Variants in KIF26B observed in about 807,000 individuals in gnomAD.
The protein encoded by KIF26B is kinesin-like protein KIF26B.
In KIF26B, 63 loss-of-function variants were observed where a neutral mutation model predicts 151.2. The observed-to-expected ratio is 0.42, with a 90% CI of 0.34 to 0.51. The LOEUF is 0.51. Ranked by LOEUF, KIF26B falls within the 20% of genes least tolerant of loss-of-function variation. The pLI, the probability that KIF26B is intolerant of heterozygous loss-of-function variation, is 0.07. For synonymous variants in KIF26B, 1,357 were observed against 1,262.1 expected (o/e 1.08, Z -1.59); for missense variants, 2,813 against 2,913.6 (o/e 0.97, Z 0.79).
chr1:245,299,923 A>G (rs538126698), intron 2 of KIF26B, among the ~76,000 whole-genome samples: 1 of 152,208 alleles, frequency 6.6e-6, no homozygotes, highest in African/African-American at 2.4e-5. Context: ...TGAGTCAGAG[A>G]TTGCGAGGAG....
At chr1:245,607,927 C>T (rs527809021) in intron 7 of KIF26B, among the ~76,000 whole-genome samples, 183 bp downstream of exon 7, 65 of 152,258 alleles carry the variant, frequency 4.3e-4, no homozygotes, top group African/African-American at 1.6e-3. Context: ...AGGTGGACAC[C>T]CATTCATGTA....
intron 4 of KIF26B, among the ~76,000 whole-genome samples, chr1:245,461,800 G>A (rs141537520): frequency 5.0e-4 from 76 of 152,266 alleles, no homozygotes; most frequent in African/African-American, 1.6e-3. Context: ...TGCAGATATC[G>A]TTTCCACTAT....
At chr1:245,281,979 C>G (rs1332927954) in intron 2 of KIF26B, among the ~76,000 whole-genome samples, 1 of 151,960 alleles carries the variant, frequency 6.6e-6, no homozygotes, top group Non-Finnish European at 1.5e-5. Context: ...TGTTTTGGTA[C>G]CAGTACCATG....
intron 5 of KIF26B, among the ~76,000 whole-genome samples, chr1:245,576,576 T>A (rs1288336598): frequency 6.6e-6 from 1 of 152,206 alleles, no homozygotes; most frequent in Non-Finnish European, 1.5e-5. Context: ...GCTCTGGACC[T>A]GCACTCCGTG....
chr1:245,687,713 TG>T lies in KIF26B; in HGVS notation c.4732del (p.Glu1578ArgfsTer50). The T allele has an allele frequency of 6.3e-7, 1 of 1,581,712 alleles. No homozygotes were observed. ...GGCACCCCGCCCTCCAAGGCTACCC[TG>T]GAGGGGAAGGTGGCTTCCCCCAAGC... Reference protein sequence around the residue: ...ASGTPPSKATLEGKVASPKHC... With the variant: ...ASGTPPSKATXEGKVASPKHC... On this transcript the variant is annotated frameshift_variant, in exon 12 of 15. Transcript: ENST00000407071. LOFTEE classifies it high-confidence loss of function. This position sits in a 1 kb window ranked among gnomAD's most constrained non-coding sequence, Gnocchi z 4.9.
chr1:245,206,189 C>A lies in KIF26B; in HGVS notation c.465+49506C>A, dbSNP rs59504623. Reference sequence around the variant, plus strand: ...GTTATCAGTAGTCCCTTCTTATTCTCCAGCTCCCTGTAAAGGCTTAAAGCA... The same window carrying A: ...GTTATCAGTAGTCCCTTCTTATTCTACAGCTCCCTGTAAAGGCTTAAAGCA... On this transcript the variant is annotated intron_variant, in intron 2 of 14. Coordinates refer to ENST00000407071, the MANE Select transcript of KIF26B (RefSeq NM_018012.4). Among the ~76,000 whole-genome samples the A allele has an allele frequency of 5.6e-3, 855 of 152,292 alleles. 40 individuals are homozygous for A. The East Asian group carries it at 0.13, about 24-fold the overall frequency.
chr1:245,633,549 C>T (rs1201122583), intron 9 of KIF26B, among the ~76,000 whole-genome samples: 2 of 151,796 alleles, frequency 1.3e-5, no homozygotes, highest in African/African-American at 2.4e-5. Flanking sequence ...TTCAGTCTTG[C>T]GTATTCTCAC....
intron 2 of KIF26B, among the ~76,000 whole-genome samples, chr1:245,330,836 G>T (rs1344039420): frequency 6.8e-6 from 1 of 147,598 alleles, no homozygotes; most frequent in African/African-American, 2.5e-5. Context: ...GGAGGGAGTG[G>T]GGGTGTCGGA....
chr1:245,222,361 C>T (rs10754448), intron 2 of KIF26B, among the ~76,000 whole-genome samples: 63,783 of 151,546 alleles, frequency 0.42, 14,064 homozygotes, highest in East Asian at 0.61. Flanking sequence ...CGCTTAAACC[C>T]GGGAGGCGGA....
intron 3 of KIF26B, among the ~76,000 whole-genome samples, chr1:245,379,172 A>C (rs1476007428): frequency 6.6e-6 from 1 of 152,240 alleles, no homozygotes; most frequent in Non-Finnish European, 1.5e-5. Context: ...TCCCTCCTTG[A>C]CATATTGCCA....
At chr1:245,435,301 CCCAGGATAGGA>C (rs1658891008) in intron 4 of KIF26B, among the ~76,000 whole-genome samples, 1 of 152,182 alleles carries the variant, frequency 6.6e-6, no homozygotes, top group Admixed American at 6.5e-5. Context: ...GGCAGCCAGT[CCCAGGATAGGA>C]CAGTGAGAAA....
rs372448368 is a variant in KIF26B, at chr1:245,698,300, G to A, written c.6019G>A (p.Ala2007Thr). The A allele has an allele frequency of 5.6e-6, 9 of 1,613,002 alleles. No homozygotes were observed. In the African/African-American group the frequency reaches 1.1e-4, roughly 19 times the overall value. ...GCGCCTGCAGCGGCGACGAGGGGGT[G>A]CCAGCAAGGTGAGGCAGCCTCCTTC... ...VERLQRRRGG[A>T]SKEAMCFNAK... Residue 2007 changes from alanine to threonine, a missense_variant, in exon 13 of 15, where the codon GCC becomes ACC. Coordinates refer to ENST00000407071, the MANE Select transcript of KIF26B (RefSeq NM_018012.4). The surrounding 1 kb of genome is among the most constrained non-coding windows in gnomAD (Gnocchi z 4.0).
At chr1:245,639,915 GAGA>G (rs2043870755) in intron 9 of KIF26B, among the ~76,000 whole-genome samples, 1 of 151,564 alleles carries the variant, frequency 6.6e-6, no homozygotes, top group Non-Finnish European at 1.5e-5. Flanking sequence ...ATGTACTGAT[GAGA>G]AGAATGTGTA....
intron 2 of KIF26B, among the ~76,000 whole-genome samples, chr1:245,229,251 C>T (rs921063641): frequency 6.6e-6 from 1 of 151,992 alleles, no homozygotes; most frequent in Non-Finnish European, 1.5e-5. Flanking sequence ...GGATTACAAG[C>T]GTGAGCCACC....
chr1:245,702,576 C>G lies in KIF26B; in HGVS notation c.6297C>G (p.Thr2099=). The change falls in exon 15 of 15, where the codon ACC becomes ACG. Residue 2099 remains threonine (T), a synonymous_variant. Transcript: ENST00000407071. The surrounding 1 kb of genome is among the most constrained non-coding windows in gnomAD (Gnocchi z 4.1). ...GCAAGGCCCATCTCATGATGATCAC[C>G]TGCTTCGACATCACCTCCAGGCGCC... ...NFCKAHLMMI[T]CFDITSRRR The G allele has an allele frequency of 6.2e-7, 1 of 1,613,972 alleles. No homozygotes were observed. Among genetic ancestry groups the G allele is most frequent in the Non-Finnish European group, 8.5e-7 (1 of 1,179,878 alleles).
At chr1:245,531,788 A>C (rs953110598) in intron 4 of KIF26B, among the ~76,000 whole-genome samples, 4 of 152,192 alleles carry the variant, frequency 2.6e-5, no homozygotes, top group Non-Finnish European at 5.9e-5. Context: ...TTAAAACATA[A>C]GATAGATCAT....
At chr1:245,286,516 T>TG (rs1361832777) in intron 2 of KIF26B, among the ~76,000 whole-genome samples, 1 of 152,204 alleles carries the variant, frequency 6.6e-6, no homozygotes, top group East Asian at 1.9e-4. Flanking sequence ...CACTCTAGCC[T>TG]GGGCGACAGA....
intron 2 of KIF26B, among the ~76,000 whole-genome samples, chr1:245,307,763 C>T (rs1209851864): frequency 4.2e-5 from 6 of 141,844 alleles, no homozygotes; most frequent in African/African-American, 7.9e-5. Context: ...TTTTTTGAGA[C>T]GGAGTCTCGC....
At chr1:245,469,014 T>G (rs1157712489) in intron 4 of KIF26B, among the ~76,000 whole-genome samples, 1 of 152,364 alleles carries the variant, frequency 6.6e-6, no homozygotes, top group East Asian at 1.9e-4. Flanking sequence ...GTATGTATGT[T>G]GTATTTTTGT....
Sources: allele counts gnomAD v4.1 joint callset (sites outside exome capture counted in the v4.1 genomes callset), GRCh38; gene constraint gnomAD v4.1.1; non-coding constraint Gnocchi (gnomAD v3.1); transcripts MANE v1.5; gene names NCBI Gene and HGNC (gene_info 2026-07-23, HGNC 2026-07-21).